The following ARHGAP18 variants were observed in gnomAD, a reference collection of about 807,000 sequenced individuals.
ARHGAP18 encodes rho GTPase-activating protein 18.
Under a neutral mutation model 86.2 loss-of-function variants are expected in ARHGAP18, and 67 were observed. The ratio of observed to expected loss-of-function variants is 0.78; its 90% CI spans 0.64 to 0.95. The LOEUF is 0.95. Among genes scored for constraint, ARHGAP18 ranks in the 40% least tolerant of loss-of-function variants. ARHGAP18 has a pLI of 0.00. For missense variants in ARHGAP18, 691 were observed against 780.4 expected, an observed-to-expected ratio of 0.89 and a Z score of 1.37; for synonymous variants, 283 against 280.4, an observed-to-expected ratio of 1.01 and a Z score of -0.09.
At chr6:129,604,649 A>T (rs1359016846) in intron 10 of ARHGAP18, among the ~76,000 whole-genome samples, 2 of 152,192 alleles carry the variant, frequency 1.3e-5, no homozygotes, top group Non-Finnish European at 2.9e-5. Context: ...CTTACACAGT[A>T]GCCCTGGGCA....
intron 1 of ARHGAP18, among the ~76,000 whole-genome samples, chr6:129,694,035 G>A (rs1774571750): frequency 6.6e-6 from 1 of 152,104 alleles, no homozygotes; most frequent in Non-Finnish European, 1.5e-5. Context: ...AGCAGTTAAG[G>A]TGATTTCCCA....
intron 1 of ARHGAP18, among the ~76,000 whole-genome samples, chr6:129,699,296 G>A (rs764035648): frequency 1.1e-4 from 17 of 152,194 alleles, no homozygotes; most frequent in Non-Finnish European, 2.1e-4. Context: ...ACAGGCACAT[G>A]TTTAGGAGAC....
At chr6:129,660,690 T>C (rs956573576) in intron 1 of ARHGAP18, among the ~76,000 whole-genome samples, 1 of 152,048 alleles carries the variant, frequency 6.6e-6, no homozygotes, top group Non-Finnish European at 1.5e-5. Flanking sequence ...TTTAACAAAA[T>C]CCCAAGGTGA....
At chr6:129,654,757 A>G (rs1326205988) in intron 1 of ARHGAP18, among the ~76,000 whole-genome samples, 1 of 152,094 alleles carries the variant, frequency 6.6e-6, no homozygotes, top group Non-Finnish European at 1.5e-5. Context: ...TCCCATCGCT[A>G]CACACCTGGA....
intron 3 of ARHGAP18, among the ~76,000 whole-genome samples, chr6:129,637,883 G>A (rs1773366797): frequency 6.6e-6 from 1 of 152,084 alleles, no homozygotes. Flanking sequence ...TTTGTCTAAG[G>A]TCTTTCTTTT....
chr6:129,632,446 G>T (rs1486441449), intron 4 of ARHGAP18, among the ~76,000 whole-genome samples: 1 of 152,136 alleles, frequency 6.6e-6, no homozygotes, highest in South Asian at 2.1e-4. Context: ...CCCTGGCAAG[G>T]GAGGAAAACA....
rs1788179646 is a variant in ARHGAP18, at chr6:129,576,542, T to C, written c.*1971A>G. The C allele has an allele frequency of 6.6e-6, 1 of 152,214 alleles. No homozygotes were observed. Among genetic ancestry groups the C allele is most frequent in the Admixed American group, 6.5e-5 (1 of 15,276 alleles). 9.4% of individuals were successfully genotyped at this position (152,214 alleles called of 1,614,324 possible). On this transcript the variant is annotated 3_prime_UTR_variant, in exon 15 of 15. Coordinates refer to ENST00000368149, the MANE Select transcript of ARHGAP18 (RefSeq NM_033515.3). ...ATTCAACATTGATGAACTTGGGTCG[T>C]GAGTTCTAAAAGGGATTCAAAATAA...
At chr6:129,655,395 AAAG>A (rs1773815523) in intron 1 of ARHGAP18, among the ~76,000 whole-genome samples, 2 of 151,978 alleles carry the variant, frequency 1.3e-5, no homozygotes. Flanking sequence ...TAAAGTTATA[AAAG>A]ATGATGAAAG....
At chr6:129,615,717 C>T (rs1208622648) in intron 7 of ARHGAP18, among the ~76,000 whole-genome samples, 2 of 152,174 alleles carry the variant, frequency 1.3e-5, no homozygotes, top group East Asian at 3.8e-4. Flanking sequence ...AGATAATCCC[C>T]TTATGAATAA....
intron 13 of ARHGAP18, among the ~76,000 whole-genome samples, chr6:129,582,020 ATAGT>A (rs888221564): frequency 6.6e-6 from 1 of 152,094 alleles, no homozygotes; most frequent in Non-Finnish European, 1.5e-5. Flanking sequence ...TGAAACAGAA[ATAGT>A]TAGCTTTGAA....
chr6:129,588,814 T>A (rs762514467), intron 12 of ARHGAP18, among the ~76,000 whole-genome samples: 4 of 152,250 alleles, frequency 2.6e-5, no homozygotes, highest in Non-Finnish European at 5.9e-5. Context: ...ATACATCCTC[T>A]AAAATCTAGG....
chr6:129,659,200 G>C (rs1773900232), intron 1 of ARHGAP18, among the ~76,000 whole-genome samples: 1 of 152,164 alleles, frequency 6.6e-6, no homozygotes, highest in African/African-American at 2.4e-5. Flanking sequence ...ATGACCACAG[G>C]TTGCTGATGA....
intron 3 of ARHGAP18, among the ~76,000 whole-genome samples, chr6:129,636,764 G>A (rs1219042983): frequency 1.3e-5 from 2 of 152,180 alleles, no homozygotes; most frequent in African/African-American, 4.8e-5. Flanking sequence ...TGTAGTCCCA[G>A]CTACTCCGAG....
chr6:129,656,151 G>A (rs1003501657), intron 1 of ARHGAP18, among the ~76,000 whole-genome samples: 3 of 152,206 alleles, frequency 2.0e-5, no homozygotes, highest in African/African-American at 7.2e-5. Flanking sequence ...GCTGATGTTT[G>A]AAGTCCAAAG....
Position 129,651,813 on chromosome 6 carries a change from CT to C in ARHGAP18, c.114-9796del, listed in dbSNP as rs760302418. Among the ~76,000 whole-genome samples, 7 of 152,324 alleles carry C rather than the reference CT, an allele frequency of 4.6e-5. No homozygotes were observed. In the East Asian group the frequency reaches 1.3e-3, roughly 29 times the overall value. ...AGGTTAACATCTATAGCTCCTTGCTCTGGCCTAAATGCTACTTATTCCCCAC... is the reference window on the plus strand; with the variant it reads ...AGGTTAACATCTATAGCTCCTTGCTCGGCCTAAATGCTACTTATTCCCCAC... On this transcript the variant is annotated intron_variant, in intron 1 of 14. Coordinates refer to ENST00000368149, the MANE Select transcript of ARHGAP18 (RefSeq NM_033515.3).
chr6:129,601,531 GAGAGA>G (rs1389277335), intron 10 of ARHGAP18, among the ~76,000 whole-genome samples: 1 of 150,816 alleles, frequency 6.6e-6, no homozygotes, highest in Non-Finnish European at 1.5e-5. Context: ...AGAGAGAAAA[GAGAGA>G]AGAAAAGAGA....
At chr6:129,613,450 A>G (rs1209108441) in intron 7 of ARHGAP18, among the ~76,000 whole-genome samples, 1 of 152,162 alleles carries the variant, frequency 6.6e-6, no homozygotes, top group Non-Finnish European at 1.5e-5. Context: ...AATGTTTAAA[A>G]TGTTTCTAGT....
rs750833878 is a variant in ARHGAP18, at chr6:129,649,892, CTACTT to C, written c.114-7879_114-7875del. On this transcript the variant is annotated intron_variant, in intron 1 of 14. Coordinates refer to ENST00000368149, the MANE Select transcript of ARHGAP18 (RefSeq NM_033515.3). ...GTTATTTATCGTTGCGGCTTTCACT[CTACTT>C]CGTCTTCTTTTTTTTTGTTTTTTTT... Among the ~76,000 whole-genome samples the C allele has an allele frequency of 2.5e-4, 37 of 149,658 alleles. 1 individual carries two copies. Among genetic ancestry groups the C allele is most frequent in the Non-Finnish European group, 4.3e-4 (29 of 67,630 alleles).
chr6:129,604,012 T>G (rs903384822), intron 10 of ARHGAP18, among the ~76,000 whole-genome samples: 2 of 152,062 alleles, frequency 1.3e-5, no homozygotes, highest in African/African-American at 4.8e-5. Context: ...TGCATTGGAG[T>G]TTCCCTTCCC....
Sources: gnomAD v4.1 joint callset for allele counts (sites outside exome capture counted in the v4.1 genomes callset) on GRCh38, gnomAD v4.1.1 for gene constraint, MANE v1.5 for transcripts, NCBI Gene and HGNC (gene_info 2026-07-23, HGNC 2026-07-21) for gene names.